INCENP: variants seen among roughly 807,000 people sequenced by gnomAD.
The protein encoded by INCENP is inner centromere protein.
A neutral mutation model predicts 107.3 loss-of-function variants in INCENP; 43 were observed. The ratio of observed to expected loss-of-function variants is 0.40; its 90% CI spans 0.31 to 0.52. INCENP has a LOEUF of 0.52. Ranked by LOEUF, INCENP falls within the 20% of genes least tolerant of loss-of-function variation. The probability of loss-of-function intolerance (pLI) is 0.53; values close to 1 mark genes in which losing one functional copy is unlikely to be tolerated. For synonymous variants in INCENP, 488 were observed against 494.4 expected (o/e 0.99, Z 0.17); for missense variants, 1,089 against 1,250.9 (o/e 0.87, Z 1.95).
intron 15 of INCENP, among the ~76,000 whole-genome samples, 159 bp from the exon 16 acceptor site, chr11:62,148,317 A>G (rs1162206111): frequency 6.6e-6 from 1 of 152,200 alleles, no homozygotes; most frequent in Non-Finnish European, 1.5e-5. Context: ...GCCCCGGGGC[A>G]AAAGCGCAGC....
At position 62,153,017 on chromosome 11, in the gene INCENP, A is replaced by G. The variant is rs958809951; in HGVS notation, c.*1041A>G. On this transcript the variant is annotated 3_prime_UTR_variant, in exon 19 of 19. Coordinates refer to ENST00000394818, the MANE Select transcript of INCENP (RefSeq NM_001040694.2). ...ACAAGCAATGGAAATGCCCATTTCC[A>G]TTGTTGTCTCCAGTTGCTCTGCTCC... 6.6e-6 allele frequency: 1 copy of G among 152,224 alleles called. No homozygotes were observed. Among genetic ancestry groups the G allele is most frequent in the African/African-American group, 2.4e-5 (1 of 41,456 alleles). The allele number at this position is 152,224 out of a possible 1,614,324, so 9.4% of individuals were successfully genotyped here. A position where few individuals can be genotyped will look rare whatever the true frequency, so the allele number is the denominator to read the frequency against.
chr11:62,129,990 A>G lies in INCENP; in HGVS notation c.463A>G (p.Lys155Glu). The change falls in exon 4 of 19, where the codon AAG becomes GAG. Residue 155 changes from lysine to glutamate, a missense_variant. Transcript: ENST00000394818. ...TGAGTCTCCCACGATGCTGACTAAG[A>G]AGCCCGAGGATAACCACACCCAGTG... ...TPESPTMLTKKPEDNHTQCQL... is the reference protein window; with the variant it reads ...TPESPTMLTKEPEDNHTQCQL... 14 of 1,614,062 alleles carry G rather than the reference A, an allele frequency of 8.7e-6. No homozygotes were observed. Among genetic ancestry groups the G allele is most frequent in the Non-Finnish European group, 1.2e-5 (14 of 1,180,018 alleles).
chr11:62,138,833 A>G (rs1162861473), intron 6 of INCENP, 55 bp from the exon 7 acceptor site: 4 of 1,605,228 alleles, frequency 2.5e-6, no homozygotes, highest in African/African-American at 1.3e-5. Context: ...CACTACGGCC[A>G]TCCTGGGCCT....
At chr11:62,145,573 A>G (rs971724999) in intron 13 of INCENP, 56 bp from the exon 14 acceptor site, 11 of 1,549,058 alleles carry the variant, frequency 7.1e-6, no homozygotes, top group Admixed American at 1.9e-5. Context: ...TCTGGGCTCC[A>G]CTCTGCAGGA....
chr11:62,149,943 G>C, intron 17 of INCENP, 114 bp from the exon 18 acceptor site: 1 of 1,036,106 alleles, frequency 9.7e-7, no homozygotes, highest in Non-Finnish European at 1.4e-6. Flanking sequence ...AAGTGATCCT[G>C]CACCTTTTGT....
At chr11:62,128,415 C>A in intron 2 of INCENP, 114 bp downstream of exon 2, 1 of 1,143,766 alleles carries the variant, frequency 8.7e-7, no homozygotes, top group South Asian at 1.4e-5. Context: ...GACAGCCTGT[C>A]AGGGCTCCCT....
chr11:62,137,258 G>A (rs1262698376), intron 4 of INCENP, among the ~76,000 whole-genome samples: 2 of 152,128 alleles, frequency 1.3e-5, no homozygotes, highest in Admixed American at 1.3e-4. Flanking sequence ...AGCTGAGATT[G>A]TTCCACTACA....
chr11:62,143,762 A>G (rs992640200), intron 11 of INCENP, among the ~76,000 whole-genome samples: 1 of 152,218 alleles, frequency 6.6e-6, no homozygotes, highest in Non-Finnish European at 1.5e-5. Context: ...AAGCTATTGG[A>G]CACTGTGCCT....
rs200670609 is a variant in INCENP at position 62,150,095 on chromosome 11, G to T, written c.2430G>T (p.Gly810=). 4.0e-5 allele frequency: 64 copies of T among 1,613,902 alleles called. No homozygotes were observed. The highest frequency in any genetic ancestry group is 5.3e-5 in the African/African-American group (4 of 74,888). ...ACTSYQMTPQ[G]HRAPPKINPD... Reference sequence around the variant, plus strand: ...CCTCATATCAGATGACTCCGCAAGGGCACAGGGCCCCTCCCAAGATCAACC... The same window carrying T: ...CCTCATATCAGATGACTCCGCAAGGTCACAGGGCCCCTCCCAAGATCAACC... Residue 810 remains glycine, a synonymous_variant, in exon 18 of 19, where the codon GGG becomes GGT. Coordinates refer to ENST00000394818, the MANE Select transcript of INCENP (RefSeq NM_001040694.2).
rs1284718352 is a variant in INCENP at position 62,138,787 on chromosome 11, G to A, written c.1173+17G>A. 6.2e-7 allele frequency: 1 copy of A among 1,613,820 alleles called. No homozygotes were observed. Among genetic ancestry groups the A allele is most frequent in the Admixed American group, 1.7e-5 (1 of 60,032 alleles). On this transcript the variant is annotated intron_variant, in intron 6 of 18. Transcript: ENST00000394818. The stretch of plus-strand genomic sequence containing the variant: ...GAGCCAGAGGTAAGACGGCTGCCTG[G>A]GGAAGGGAGGACTCACCTCTGGGGC...
intron 15 of INCENP, among the ~76,000 whole-genome samples, 181 bp downstream of exon 15, chr11:62,147,083 G>A (rs1944268531): frequency 6.6e-6 from 1 of 152,210 alleles, no homozygotes; most frequent in Admixed American, 6.5e-5. Flanking sequence ...AGGAGTGATA[G>A]GTGGGCTTGC....
rs1287724685 is a variant in INCENP, at chr11:62,129,824, A to G, written c.297A>G (p.Arg99=). Residue 99 remains arginine, a synonymous_variant, in exon 4 of 19, where the codon CGA becomes CGG. Coordinates refer to ENST00000394818, the MANE Select transcript of INCENP (RefSeq NM_001040694.2). ...RKSRSSQLSS[R]RLRSKDSVEK... is the part of the protein sequence containing the mutation. ...CTCGGAGCAGCCAGCTGAGCTCCCG[A>G]CGCCTCCGCAGCAAGGACAGTGTAG... 49 of 1,610,964 alleles carry G rather than the reference A, an allele frequency of 3.0e-5. No individual in the cohort carries two copies. Among genetic ancestry groups the G allele is most frequent in the Non-Finnish European group, 4.1e-5 (48 of 1,179,702 alleles).
At chr11:62,127,455 G>T (rs1169008871) in intron 1 of INCENP, among the ~76,000 whole-genome samples, 1 of 152,218 alleles carries the variant, frequency 6.6e-6, no homozygotes, top group East Asian at 1.9e-4. Flanking sequence ...GCAAGATATT[G>T]CTTACTGTTC....
chr11:62,148,448 T>C (rs1453913036), intron 15 of INCENP, 28 bp from the exon 16 acceptor site: 1 of 1,584,946 alleles, frequency 6.3e-7, no homozygotes, highest in Admixed American at 1.9e-5. Flanking sequence ...CCACTTCCTG[T>C]CCTAACAGGC....
chr11:62,125,746 A>G (rs774715894), intron 1 of INCENP, among the ~76,000 whole-genome samples: 8 of 152,210 alleles, frequency 5.3e-5, no homozygotes, highest in Non-Finnish European at 1.0e-4. Flanking sequence ...GGATTAATTC[A>G]TTTAACAAAT....
In INCENP at chr11:62,152,469, C is replaced by A. The variant is rs1385826517; in HGVS notation, c.*493C>A. 5 of 160,554 alleles carry A rather than the reference C, an allele frequency of 3.1e-5. No individual in the cohort carries two copies. The highest frequency in any genetic ancestry group is 2.5e-4 in the Admixed American group (4 of 16,122). 9.9% of individuals were successfully genotyped at this position (160,554 alleles called of 1,614,324 possible). A position where few individuals can be genotyped will look rare whatever the true frequency, so the allele number is the denominator to read the frequency against. On this transcript the variant is annotated 3_prime_UTR_variant, in exon 19 of 19. Transcript: ENST00000394818. ...AGGATCACCAGGTGCAGGCCCCCACCCTCGGAGATGCTGCTGCAGTGAGTG... is the reference window on the plus strand; with the variant it reads ...AGGATCACCAGGTGCAGGCCCCCACACTCGGAGATGCTGCTGCAGTGAGTG...
At chr11:62,147,430 G>T (rs1272710787) in intron 15 of INCENP, among the ~76,000 whole-genome samples, 4 of 152,178 alleles carry the variant, frequency 2.6e-5, no homozygotes, top group Non-Finnish European at 4.4e-5. Context: ...CAATAGACAA[G>T]AGTTCCATGT....
intron 11 of INCENP, chr11:62,144,658 G>A: frequency 3.3e-6 from 2 of 611,756 alleles, no homozygotes; most frequent in Non-Finnish European, 3.1e-6. Flanking sequence ...CTTTTTCAAT[G>A]CACAGTTTAT....
chr11:62,129,947 A>G lies in INCENP; in HGVS notation c.420A>G (p.Ala140=). The G allele has an allele frequency of 6.2e-7, 1 of 1,614,012 alleles. No homozygotes were observed. Among genetic ancestry groups the G allele is most frequent in the East Asian group, 2.2e-5 (1 of 44,864 alleles). Residue 140 remains alanine, a synonymous_variant, in exon 4 of 19, where the codon GCA becomes GCG. Transcript: ENST00000394818. ...CCGCGGCTACCATGGCATTGGCTGCACCTTCTTCACCCACCCCTGAGTCTC... is the reference window on the plus strand; with the variant it reads ...CCGCGGCTACCATGGCATTGGCTGCGCCTTCTTCACCCACCCCTGAGTCTC... ...AAAAATMALA[A]PSSPTPESPT...
Sources: allele counts gnomAD v4.1 joint callset (sites outside exome capture counted in the v4.1 genomes callset), GRCh38; gene constraint gnomAD v4.1.1; transcripts MANE v1.5; gene names NCBI Gene and HGNC (gene_info 2026-07-23, HGNC 2026-07-21).